Variants in PRPF31 observed in about 807,000 individuals in gnomAD.
PRPF31 encodes U4/U6 small nuclear ribonucleoprotein Prp31.
Under a neutral mutation model 60.4 loss-of-function variants are expected in PRPF31, and 12 were observed. The ratio of observed to expected loss-of-function variants is 0.20; its 90% CI spans 0.13 to 0.32. The LOEUF (loss-of-function observed/expected upper bound fraction) is 0.32, where lower values mean the gene tolerates loss of function less well. Ranked by LOEUF, PRPF31 falls within the 10% of genes least tolerant of loss-of-function variation. The pLI is 1.00. For synonymous variants in PRPF31, 287 were observed against 287.9 expected (o/e 1.00, Z 0.03); for missense variants, 431 against 687.1 (o/e 0.63, Z 4.17).
At chr19:54,128,990 G>A in intron 11 of PRPF31, 67 bp from the exon 12 acceptor site, 1 of 1,486,744 alleles carries the variant, frequency 6.7e-7, no homozygotes, top group Middle Eastern at 2.1e-4. Flanking sequence ...CTGGTGGAGG[G>A]GGTGCCTCGG....
At position 54,129,215 on chromosome 19, in the gene PRPF31, A is replaced by T. The variant is rs749042551; in HGVS notation, c.1275+30A>T. 6 of 1,596,460 alleles carry T rather than the reference A, an allele frequency of 3.8e-6. No homozygotes were observed. In the Admixed American group the frequency reaches 6.9e-5, roughly 18 times the overall value. ...GGGCCAGACCCAGGTGGGGCTGGGG[A>T]CCGAGGGACACAAGGTGGGGGGAGC... On this transcript the variant is annotated intron_variant, in intron 12 of 13. Transcript: ENST00000321030.
intron 6 of PRPF31, 58 bp downstream of exon 6, chr19:54,123,618 C>T (rs1225605470): frequency 1.9e-6 from 3 of 1,607,338 alleles, no homozygotes; most frequent in East Asian, 4.5e-5. Flanking sequence ...TAGGCTGGAG[C>T]TACACACGCA....
intron 13 of PRPF31, among the ~76,000 whole-genome samples, chr19:54,130,450 C>G (rs1355387040): frequency 1.3e-5 from 2 of 152,126 alleles, no homozygotes; most frequent in African/African-American, 4.8e-5. Context: ...ACGGTGAAAC[C>G]CCGTCTCTAC....
chr19:54,126,672 G>C, intron 9 of PRPF31, 55 bp downstream of exon 9: 1 of 1,516,458 alleles, frequency 6.6e-7, no homozygotes, highest in Non-Finnish European at 9.1e-7. Flanking sequence ...GGCCTGGGGT[G>C]TCTCTGCAGG....
intron 1 of PRPF31, among the ~76,000 whole-genome samples, chr19:54,116,202 G>A (rs1310501021): frequency 7.0e-6 from 1 of 142,482 alleles, no homozygotes; most frequent in African/African-American, 2.6e-5. Flanking sequence ...CGCCTGGCCA[G>A]TTGTTTGTTT....
At chr19:54,127,999 G>A (rs1440943570) in intron 9 of PRPF31, 74 bp from the exon 10 acceptor site, 1 of 1,544,618 alleles carries the variant, frequency 6.5e-7, no homozygotes, top group Non-Finnish European at 8.7e-7. Context: ...GGATACTCGG[G>A]GGGCCCGCTC....
chr19:54,124,960 G>C (rs1352935792), intron 8 of PRPF31: 2 of 541,866 alleles, frequency 3.7e-6, no homozygotes, highest in Non-Finnish European at 3.3e-6. Context: ...AGCACTTACA[G>C]TTCAGGCCTA....
At chr19:54,117,364 G>C (rs192744504) in intron 1 of PRPF31, among the ~76,000 whole-genome samples, 2 of 152,308 alleles carry the variant, frequency 1.3e-5, no homozygotes, top group East Asian at 3.9e-4. Context: ...GGGGAACTTT[G>C]AATGGGAGGC....
Position 54,128,978 on chromosome 19 carries a change from G to A in PRPF31, c.1147-79G>A, listed in dbSNP as rs142836190. 4.3e-4 allele frequency: 621 copies of A among 1,443,448 alleles called. 5 individuals are homozygous for A. In the East Asian group the frequency reaches 0.011, roughly 25 times the overall value. The allele number at this position is 1,443,448 out of a possible 1,614,324, so 89.4% of individuals were successfully genotyped here. A position where few individuals can be genotyped will look rare whatever the true frequency, so the allele number is the denominator to read the frequency against. ...GCCGGCTGGTGACCGCTGGGCTTCG[G>A]GCTGGTGGAGGGGGTGCCTCGGTGG... On this transcript the variant is annotated intron_variant, in intron 11 of 13. Transcript: ENST00000321030.
intron 3 of PRPF31, among the ~76,000 whole-genome samples, chr19:54,119,073 G>C (rs2073722349): frequency 6.6e-6 from 1 of 152,144 alleles, no homozygotes; most frequent in Non-Finnish European, 1.5e-5. Context: ...TATAAAAATA[G>C]ATATATAATT....
rs765565757 is a variant in PRPF31, at chr19:54,128,059, C to G, written c.946-14C>G. 6.5e-7 allele frequency: 1 copy of G among 1,548,344 alleles called. No homozygotes were observed. Among genetic ancestry groups the G allele is most frequent in the Non-Finnish European group, 8.7e-7 (1 of 1,146,778 alleles). On this transcript the variant is annotated splice_polypyrimidine_tract_variant and intron_variant, in intron 9 of 13. Transcript: ENST00000321030. ...ACGCGAGCAGCTGCAGGACCTCCCC[C>G]TCGCCCTCCCCAGGTGGGCTACGAA...
intron 13 of PRPF31, among the ~76,000 whole-genome samples, chr19:54,130,881 G>A (rs1429364089): frequency 2.0e-5 from 3 of 152,244 alleles, no homozygotes; most frequent in Admixed American, 2.0e-4. Context: ...TTAGAGACGG[G>A]GGCTCGCTCT....
intron 3 of PRPF31, 116 bp downstream of exon 3, chr19:54,118,749 T>C (rs78716530): frequency 2.8e-6 from 2 of 725,334 alleles, no homozygotes; most frequent in Middle Eastern, 4.2e-4. Flanking sequence ...CAGAGCCTTC[T>C]TTTTTTTTTG....
In PRPF31 at chr19:54,129,276, C is replaced by G. The variant is rs778722334; in HGVS notation, c.1280C>G (p.Thr427Ser). The change falls in exon 13 of 14, where the codon ACC (threonine) becomes AGC (serine). Residue 427 changes from threonine to serine, a missense_variant. Physicochemically the swap from Thr to Ser is moderately conservative, Grantham distance 58. This residue lies in a region of PRPF31 where 314 missense variants were observed against 475.3 expected (regional missense o/e 0.66). Transcript: ENST00000321030. ...GCCTCCCTGTCCTCCCCACAGCGGACCCTGCAGAAGCAGAGCGTCGTATAT... is the reference window on the plus strand; with the variant it reads ...GCCTCCCTGTCCTCCCCACAGCGGAGCCTGCAGAAGCAGAGCGTCGTATAT... ...KARISKTLQR[T>S]LQKQSVVYGG... The G allele has an allele frequency of 6.2e-7, 1 of 1,611,300 alleles. No individual in the cohort carries two copies. The highest frequency in any genetic ancestry group is 8.5e-7 in the Non-Finnish European group (1 of 1,179,372).
chr19:54,129,268 A>C lies in PRPF31; in HGVS notation c.1276-4A>C. On this transcript the variant is annotated splice_polypyrimidine_tract_variant and splice_region_variant and intron_variant, in intron 12 of 13. Coordinates refer to ENST00000321030, the MANE Select transcript of PRPF31 (RefSeq NM_015629.4). ...AGATCGCAGCCTCCCTGTCCTCCCCACAGCGGACCCTGCAGAAGCAGAGCG... is the reference window on the plus strand; with the variant it reads ...AGATCGCAGCCTCCCTGTCCTCCCCCCAGCGGACCCTGCAGAAGCAGAGCG... The C allele has an allele frequency of 6.2e-7, 1 of 1,610,868 alleles. No homozygotes were observed. Among genetic ancestry groups the C allele is most frequent in the Non-Finnish European group, 8.5e-7 (1 of 1,179,204 alleles).
chr19:54,117,099 AAAAG>A (rs1364327221), intron 1 of PRPF31, among the ~76,000 whole-genome samples: 2 of 152,064 alleles, frequency 1.3e-5, no homozygotes, highest in African/African-American at 4.8e-5. Flanking sequence ...GGTCTCAAAA[AAAAG>A]AAAAGAAAAG....
intron 9 of PRPF31, 58 bp downstream of exon 9, chr19:54,126,675 T>TCC: frequency 6.6e-7 from 1 of 1,505,398 alleles, no homozygotes; most frequent in Non-Finnish European, 9.1e-7. Flanking sequence ...CTGGGGTGTC[T>TCC]CTGCAGGGAG....
At chr19:54,123,640 G>GCA (rs2073846958) in intron 6 of PRPF31, 80 bp downstream of exon 6, 3 of 1,598,584 alleles carry the variant, frequency 1.9e-6, no homozygotes, top group African/African-American at 1.3e-5. Flanking sequence ...GTGTACACAC[G>GCA]CACACACACA....
intron 11 of PRPF31, among the ~76,000 whole-genome samples, 182 bp downstream of exon 11, chr19:54,128,559 C>T (rs1212339329): frequency 2.7e-5 from 4 of 147,210 alleles, no homozygotes; most frequent in Non-Finnish European, 4.4e-5. Flanking sequence ...GCGACCCTCG[C>T]GACCCTTGGA....
Sources: gnomAD v4.1 joint callset for allele counts (sites outside exome capture counted in the v4.1 genomes callset) on GRCh38, gnomAD v4.1.1 for gene constraint, gnomAD v4.1.1 regional missense constraint, MANE v1.5 for transcripts, NCBI Gene and HGNC (gene_info 2026-07-23, HGNC 2026-07-21) for gene names.